The following NEK1 variants were observed in gnomAD, a reference collection of about 807,000 sequenced individuals.
NEK1 encodes the protein serine/threonine-protein kinase Nek1.
A neutral mutation model predicts 182.1 loss-of-function variants in NEK1; 137 were observed. The ratio of observed to expected loss-of-function variants is 0.75; its 90% CI spans 0.65 to 0.87. NEK1 has a LOEUF of 0.87. NEK1 is among the 40% of genes least tolerant of loss of function. NEK1 has a pLI of 0.00. For missense variants in NEK1, 1,391 were observed against 1,494.4 expected (o/e 0.93, Z 1.14); for synonymous variants, 513 against 492.2 (o/e 1.04, Z -0.56).
intron 2 of NEK1, among the ~76,000 whole-genome samples, chr4:169,608,496 T>G (rs942265740): frequency 6.6e-6 from 1 of 152,132 alleles, no homozygotes; most frequent in Non-Finnish European, 1.5e-5. Flanking sequence ...AAATAAAACA[T>G]GGGAGAATGA....
intron 23 of NEK1, among the ~76,000 whole-genome samples, chr4:169,491,332 G>C (rs1050855329): frequency 1.3e-5 from 2 of 151,882 alleles, no homozygotes; most frequent in Admixed American, 6.6e-5. Flanking sequence ...AACATTAAAA[G>C]TAAAAGACAA....
chr4:169,468,886 A>G (rs969514457), intron 26 of NEK1, among the ~76,000 whole-genome samples: 1 of 152,048 alleles, frequency 6.6e-6, no homozygotes, highest in African/African-American at 2.4e-5. Flanking sequence ...TTTCTTCTAG[A>G]TTTACTAGTT....
At chr4:169,442,356 C>A (rs1044032195) in intron 27 of NEK1, among the ~76,000 whole-genome samples, 9 of 152,106 alleles carry the variant, frequency 5.9e-5, no homozygotes, top group African/African-American at 2.2e-4. Flanking sequence ...CCAAAGAAAT[C>A]ATATGAAGAC....
intron 18 of NEK1, among the ~76,000 whole-genome samples, chr4:169,553,381 G>A (rs1369416865): frequency 6.6e-6 from 1 of 152,088 alleles, no homozygotes; most frequent in African/African-American, 2.4e-5. Context: ...CAGATCTAAA[G>A]ATAAAACATT....
At chr4:169,486,439 C>G (rs1749056982) in intron 23 of NEK1, among the ~76,000 whole-genome samples, 1 of 152,120 alleles carries the variant, frequency 6.6e-6, no homozygotes. Context: ...TACTCTTGAT[C>G]AATAACAAAC....
intron 23 of NEK1, among the ~76,000 whole-genome samples, chr4:169,505,114 G>A (rs1213196466): frequency 6.6e-6 from 1 of 151,886 alleles, no homozygotes; most frequent in Admixed American, 6.6e-5. Context: ...GGCAGATCCA[G>A]GTTCAAATCT....
At chr4:169,508,198 C>A in intron 21 of NEK1, 50 bp downstream of exon 21, 1 of 1,447,884 alleles carries the variant, frequency 6.9e-7, no homozygotes, top group Non-Finnish European at 9.3e-7. Flanking sequence ...TAAATGTTAA[C>A]CTACTATGAC....
intron 9 of NEK1, 87 bp from the exon 10 acceptor site, chr4:169,585,636 C>T (rs1199340062): frequency 2.4e-6 from 2 of 832,362 alleles, no homozygotes; most frequent in Non-Finnish European, 3.7e-6. Flanking sequence ...TCTTTTCCTA[C>T]CAATATAGAA....
intron 16 of NEK1, among the ~76,000 whole-genome samples, chr4:169,558,143 T>C (rs1223390162): frequency 6.6e-6 from 1 of 152,182 alleles, no homozygotes; most frequent in Non-Finnish European, 1.5e-5. Context: ...ACTCTTTGAA[T>C]TTAGCCCAAT....
intron 32 of NEK1, among the ~76,000 whole-genome samples, chr4:169,405,358 C>T (rs1335475719): frequency 6.6e-6 from 1 of 152,048 alleles, no homozygotes; most frequent in Non-Finnish European, 1.5e-5. Context: ...AGAAAAGGTA[C>T]AGTGAAAACA....
At chr4:169,403,753 G>C (rs769894766) in intron 32 of NEK1, among the ~76,000 whole-genome samples, 1 of 152,018 alleles carries the variant, frequency 6.6e-6, no homozygotes, top group Non-Finnish European at 1.5e-5. Context: ...AAGAAAGTAT[G>C]AGAAGATTAA....
At chr4:169,472,524 C>A (rs1017529278) in intron 26 of NEK1, among the ~76,000 whole-genome samples, 2 of 152,232 alleles carry the variant, frequency 1.3e-5, no homozygotes, top group Admixed American at 6.5e-5. Context: ...ATGCAGAAAT[C>A]ACCTGCCTTC....
intron 31 of NEK1, among the ~76,000 whole-genome samples, chr4:169,417,320 GGTAAAGAGTCTGAATATTA>G (rs1199906637): frequency 1.6e-4 from 25 of 152,160 alleles, no homozygotes; most frequent in African/African-American, 5.8e-4. Context: ...TGTAGACCAT[GGTAAAGAGTCTGAATATTA>G]GTTAAGCAGC....
chr4:169,427,938 C>T (rs746319577), intron 29 of NEK1, among the ~76,000 whole-genome samples: 1 of 151,976 alleles, frequency 6.6e-6, no homozygotes, highest in Non-Finnish European at 1.5e-5. Context: ...GATCCTCCCA[C>T]CTCAGTCTCC....
chr4:169,550,545 C>CA (rs1761271774), intron 18 of NEK1, among the ~76,000 whole-genome samples: 1 of 152,096 alleles, frequency 6.6e-6, no homozygotes, highest in Non-Finnish European at 1.5e-5. Context: ...TGTAAAATAG[C>CA]AAAAATAATA....
intron 27 of NEK1, among the ~76,000 whole-genome samples, chr4:169,459,110 G>A (rs933136879): frequency 5.3e-5 from 8 of 150,586 alleles, no homozygotes; most frequent in Non-Finnish European, 8.9e-5. Context: ...TACTCAATCC[G>A]TATTTGCAAA....
intron 27 of NEK1, among the ~76,000 whole-genome samples, chr4:169,462,003 C>A (rs948334320): frequency 6.6e-6 from 1 of 151,824 alleles, no homozygotes; most frequent in Admixed American, 6.6e-5. Flanking sequence ...GAATGAAAGC[C>A]CAATTTTTAT....
At chr4:169,496,638 C>T (rs1300681866) in intron 23 of NEK1, among the ~76,000 whole-genome samples, 13 of 148,846 alleles carry the variant, frequency 8.7e-5, no homozygotes, top group African/African-American at 1.6e-4. Context: ...TGTCAAAGGC[C>T]TTTTCTGCAT....
chr4:169,541,366 C>T (rs548288808), intron 18 of NEK1, among the ~76,000 whole-genome samples: 1 of 152,126 alleles, frequency 6.6e-6, no homozygotes, highest in Non-Finnish European at 1.5e-5. Context: ...GCCATTTCAA[C>T]AGTACATGGC....
Sources: allele counts gnomAD v4.1 joint callset (sites outside exome capture counted in the v4.1 genomes callset), GRCh38; gene constraint gnomAD v4.1.1; transcripts MANE v1.5; gene names NCBI Gene and HGNC (gene_info 2026-07-23, HGNC 2026-07-21).